The following ABCA9 variants were observed in gnomAD, a reference collection of about 807,000 sequenced individuals.
ABCA9 encodes ATP binding cassette subfamily A member 9.
A neutral mutation model predicts 205.3 loss-of-function variants in ABCA9; 183 were observed. That is an observed-to-expected ratio of 0.89 (90% CI 0.79 to 1.01). The LOEUF (loss-of-function observed/expected upper bound fraction) is 1.01. Ranked by LOEUF, ABCA9 falls within the 50% of genes least tolerant of loss-of-function variation. The pLI is 0.00. For synonymous variants in ABCA9, 651 were observed against 683.3 expected (o/e 0.95, Z 0.74); for missense variants, 1,805 against 1,912.4 (o/e 0.94, Z 1.05).
At chr17:69,001,578 C>G (rs865989829) in intron 25 of ABCA9, among the ~76,000 whole-genome samples, 1 of 151,586 alleles carries the variant, frequency 6.6e-6, no homozygotes, top group African/African-American at 2.4e-5. Flanking sequence ...CTAAAATTCT[C>G]TTTTTTGGTT....
intron 25 of ABCA9, among the ~76,000 whole-genome samples, chr17:69,002,073 T>C (rs1431424488): frequency 1.3e-5 from 2 of 151,500 alleles, no homozygotes; most frequent in Non-Finnish European, 2.9e-5. Flanking sequence ...AACCAGCTCC[T>C]GGATTCATTA....
chr17:69,016,102 G>GTATA (rs369501172), intron 22 of ABCA9, 151 bp downstream of exon 22: 27 of 263,496 alleles, frequency 1.0e-4, no homozygotes, highest in South Asian at 3.9e-4. Flanking sequence ...ATGTGTGTGT[G>GTATA]TATATATATA....
rs766134839 is a variant in ABCA9, at chr17:69,049,464, T to C, written c.123A>G (p.Val41=). The C allele has an allele frequency of 2.3e-5, 37 of 1,611,582 alleles. No individual in the cohort carries two copies. Among genetic ancestry groups the C allele is most frequent in the Non-Finnish European group, 3.1e-5 (36 of 1,178,908 alleles). Residue 41 remains valine, a synonymous_variant, in exon 3 of 39, where the codon GTA becomes GTG. Transcript: ENST00000340001. The part of the protein sequence containing the change: ...LLEWLFSFLL[V]LFLYLFFSNL... Reference sequence around the variant, plus strand: ...TGGAGAAAAATAGGTACAGAAACAGTACCAGAAGAAATGAAAAGAGCCATT... The same window carrying C: ...TGGAGAAAAATAGGTACAGAAACAGCACCAGAAGAAATGAAAAGAGCCATT...
At chr17:69,050,731 C>T (rs139162468) in intron 2 of ABCA9, among the ~76,000 whole-genome samples, 149 of 151,878 alleles carry the variant, frequency 9.8e-4, no homozygotes, top group African/African-American at 3.5e-3. Flanking sequence ...ATGAGCTCAG[C>T]GGTTAAGAAT....
At chr17:69,021,962 C>A in intron 17 of ABCA9, 101 bp from the exon 18 acceptor site, 1 of 974,942 alleles carries the variant, frequency 1.0e-6, no homozygotes, top group South Asian at 3.1e-5. Context: ...ATGTACTAAT[C>A]AGAAACAAAA....
intron 2 of ABCA9, 139 bp downstream of exon 2, chr17:69,050,892 G>T: frequency 3.0e-6 from 2 of 661,786 alleles, no homozygotes; most frequent in Non-Finnish European, 2.2e-6. Flanking sequence ...GCAAAGCCCA[G>T]AATTTGAAAA....
chr17:69,021,922 C>A (rs1004150605), intron 17 of ABCA9, 61 bp from the exon 18 acceptor site: 48 of 1,249,242 alleles, frequency 3.8e-5, no homozygotes, highest in Non-Finnish European at 4.9e-5. Context: ...CCATATTTCT[C>A]AAAAATGTAA....
chr17:69,056,471 A>G (rs771332836), intron 1 of ABCA9, among the ~76,000 whole-genome samples: 1 of 152,208 alleles, frequency 6.6e-6, no homozygotes, highest in Admixed American at 6.5e-5. Flanking sequence ...ACAAGAATAA[A>G]CAATCTGAAT....
At chr17:68,992,995 T>TG (rs767614173) in intron 27 of ABCA9, 21 bp downstream of exon 27, 9 of 1,582,358 alleles carry the variant, frequency 5.7e-6, no homozygotes, top group Non-Finnish European at 6.9e-6. Flanking sequence ...GCAAGAATGT[T>TG]GAAAAAAAAA....
the ABCA9 span, chr17:69,078,969 G>C: frequency 6.3e-7 from 1 of 1,592,568 alleles, no homozygotes; most frequent in Non-Finnish European, 8.6e-7. Flanking sequence ...CTAGGTTTGA[G>C]GTTTTAAGGT....
At chr17:69,031,233 T>G (rs2071138740) in intron 10 of ABCA9, among the ~76,000 whole-genome samples, 3 of 152,182 alleles carry the variant, frequency 2.0e-5, no homozygotes, top group Admixed American at 2.0e-4. Flanking sequence ...CTATGATCTC[T>G]CTGATAGGAC....
At chr17:69,014,798 C>T (rs2070521301) in intron 22 of ABCA9, among the ~76,000 whole-genome samples, 3 of 152,114 alleles carry the variant, frequency 2.0e-5, no homozygotes. Flanking sequence ...TGTTGAATTA[C>T]CTGGAGGATG....
the ABCA9 span, among the ~76,000 whole-genome samples, chr17:69,071,362 G>A: frequency 6.6e-6 from 1 of 152,248 alleles, no homozygotes; most frequent in South Asian, 2.1e-4. Flanking sequence ...CATCTGGCGG[G>A]TGCCCCTCTG....
intron 17 of ABCA9, among the ~76,000 whole-genome samples, chr17:69,022,638 G>C (rs1445029708): frequency 6.6e-6 from 1 of 152,030 alleles, no homozygotes; most frequent in Admixed American, 6.5e-5. Flanking sequence ...AAAGGGCTGG[G>C]ATTACAGGCA....
At chr17:69,040,139 A>G (rs906825015) in intron 6 of ABCA9, among the ~76,000 whole-genome samples, 2 of 152,216 alleles carry the variant, frequency 1.3e-5, no homozygotes, top group Non-Finnish European at 2.9e-5. Flanking sequence ...ATTGTGGAAG[A>G]CAGTGTGGCA....
At chr17:68,981,940 C>T (rs2069067640) in intron 37 of ABCA9, among the ~76,000 whole-genome samples, 1 of 146,360 alleles carries the variant, frequency 6.8e-6, no homozygotes, top group East Asian at 2.1e-4. Flanking sequence ...AGGTTTCATA[C>T]ACTAACTCAT....
rs539034814 is a variant in ABCA9, at chr17:68,994,768, G to A, written c.3555+1127C>T. ...TGGAATGTCCCTGCTTTTATGGACA[G>A]CACCCCCTCCACTTGTGGACTTTAC... On this transcript the variant is annotated intron_variant, in intron 26 of 38. Coordinates refer to ENST00000340001, the MANE Select transcript of ABCA9 (RefSeq NM_080283.4). Among the ~76,000 whole-genome samples, 20 of 152,246 alleles carry A rather than the reference G, an allele frequency of 1.3e-4. 1 individual carries two copies. In the South Asian group the frequency reaches 3.9e-3, roughly 30 times the overall value.
chr17:69,042,532 T>C (rs1027649891), intron 6 of ABCA9: 3 of 152,184 alleles, frequency 2.0e-5, no homozygotes, highest in African/African-American at 7.2e-5. Context: ...TGATGACTCA[T>C]CCAACACTGG....
At chr17:69,031,098 G>A (rs2071136243) in intron 10 of ABCA9, among the ~76,000 whole-genome samples, 2 of 152,020 alleles carry the variant, frequency 1.3e-5, no homozygotes, top group African/African-American at 2.4e-5. Context: ...ATCTCCACCC[G>A]TTGCTAGGGA....
Sources: allele counts gnomAD v4.1 joint callset (sites outside exome capture counted in the v4.1 genomes callset), GRCh38; gene constraint gnomAD v4.1.1; transcripts MANE v1.5; gene names NCBI Gene and HGNC (gene_info 2026-07-23, HGNC 2026-07-21).